XPNPEP1: variants seen among roughly 807,000 people sequenced by gnomAD.
XPNPEP1 encodes xaa-Pro aminopeptidase 1.
In XPNPEP1, 39 loss-of-function variants were observed where a neutral mutation model predicts 92.4. The observed-to-expected ratio is 0.42, with a 90% CI of 0.33 to 0.55. The LOEUF (loss-of-function observed/expected upper bound fraction) is 0.55, where lower values mean the gene tolerates loss of function less well. XPNPEP1 is among the 20% of genes least tolerant of loss of function. The pLI, the probability that XPNPEP1 is intolerant of heterozygous loss-of-function variation, is 0.08. For synonymous variants in XPNPEP1, 307 were observed against 299.4 expected (o/e 1.03, Z -0.26); for missense variants, 654 against 856.1 (o/e 0.76, Z 2.95).
At chr10:109,886,173 G>T in intron 8 of XPNPEP1, 73 bp downstream of exon 8, 1 of 1,487,538 alleles carries the variant, frequency 6.7e-7, no homozygotes, top group South Asian at 1.2e-5. Context: ...TGAATGGCAT[G>T]AACACACAGA....
chr10:109,884,051 C>T lies in XPNPEP1; in HGVS notation c.830+16G>A. The T allele has an allele frequency of 1.2e-6, 2 of 1,610,570 alleles. No individual in the cohort carries two copies. Among genetic ancestry groups the T allele is most frequent in the Non-Finnish European group, 1.7e-6 (2 of 1,178,254 alleles). Reference sequence around the variant, plus strand: ...GAGCTCTGGAAGGGAGTTCCAGATGCAGGGCAAACACTCACATGATCGTCT... The same window carrying T: ...GAGCTCTGGAAGGGAGTTCCAGATGTAGGGCAAACACTCACATGATCGTCT... On this transcript the variant is annotated intron_variant, in intron 9 of 20. Transcript: ENST00000502935.
chr10:109,887,316 G>C (rs560465875), intron 7 of XPNPEP1, among the ~76,000 whole-genome samples: 4 of 152,320 alleles, frequency 2.6e-5, no homozygotes, highest in Admixed American at 6.5e-5. Context: ...TGTCACACAA[G>C]AAAGCAGGCT....
intron 3 of XPNPEP1, among the ~76,000 whole-genome samples, chr10:109,897,798 C>T (rs566407508): frequency 6.6e-6 from 1 of 152,140 alleles, no homozygotes; most frequent in Admixed American, 6.5e-5. Flanking sequence ...GGATTACAGG[C>T]GCCCACCACC....
At chr10:109,879,000 T>A (rs1847932692) in intron 12 of XPNPEP1, among the ~76,000 whole-genome samples, 1 of 152,116 alleles carries the variant, frequency 6.6e-6, no homozygotes, top group African/African-American at 2.4e-5. Flanking sequence ...CCCAGCACTT[T>A]GGGAGGCCGA....
chr10:109,885,379 G>T lies in XPNPEP1; in HGVS notation c.748+867C>A, dbSNP rs561245701. The stretch of plus-strand genomic sequence containing the variant: ...TATCTCTAAGTAACAGAATTTATAC[G>T]TGATTTTTTTTTTCTTCTTTTTACT... On this transcript the variant is annotated intron_variant, in intron 8 of 20. Coordinates refer to ENST00000502935, the MANE Select transcript of XPNPEP1 (RefSeq NM_020383.4). Among the ~76,000 whole-genome samples the T allele has an allele frequency of 6.6e-5, 10 of 152,212 alleles. No individual in the cohort carries two copies. The South Asian group carries it at 2.1e-3, about 32-fold the overall frequency.
chr10:109,875,641 A>T, intron 14 of XPNPEP1, 42 bp from the exon 15 acceptor site: 1 of 1,572,020 alleles, frequency 6.4e-7, no homozygotes, highest in Non-Finnish European at 8.7e-7. Flanking sequence ...ACAAATGTAA[A>T]CACTTAGTGA....
chr10:109,899,233 C>A (rs796402890), intron 3 of XPNPEP1, among the ~76,000 whole-genome samples: 9 of 152,328 alleles, frequency 5.9e-5, no homozygotes, highest in African/African-American at 1.4e-4. Flanking sequence ...CCCAGCCAGG[C>A]CTTCATTCCC....
rs568548525 is a variant in XPNPEP1 at position 109,881,072 on chromosome 10, C to T, written c.1042-141G>A. On this transcript the variant is annotated intron_variant, in intron 10 of 20. Transcript: ENST00000502935. ...CACTGGCGACCCATATAGCTATCCC[C>T]TGGGGCCCCAACGACCTGTCCCTTT... is the stretch of plus-strand genomic sequence containing the variant. The T allele has an allele frequency of 1.4e-4, 99 of 725,250 alleles. 2 individuals carry two copies. The South Asian group carries it at 1.9e-3, about 14-fold the overall frequency. 44.9% of individuals were successfully genotyped at this position (725,250 alleles called of 1,614,324 possible). A position where few individuals can be genotyped will look rare whatever the true frequency, so the allele number is the denominator to read the frequency against.
At chr10:109,895,601 C>A (rs1848945283) in intron 3 of XPNPEP1, among the ~76,000 whole-genome samples, 1 of 152,252 alleles carries the variant, frequency 6.6e-6, no homozygotes, top group Non-Finnish European at 1.5e-5. Context: ...GCCAGACAAG[C>A]ACTGGGCCCA....
At chr10:109,865,376 G>C in intron 20 of XPNPEP1, 64 bp from the exon 21 acceptor site, 2 of 1,604,004 alleles carry the variant, frequency 1.2e-6, no homozygotes, top group Admixed American at 3.3e-5. Flanking sequence ...GGCTACACAG[G>C]TCAACAGCAA....
intron 11 of XPNPEP1, among the ~76,000 whole-genome samples, 176 bp downstream of exon 11, chr10:109,880,666 A>G (rs149536088): frequency 2.5e-3 from 375 of 152,306 alleles, no homozygotes; most frequent in Admixed American, 4.3e-3. Flanking sequence ...CTTTGTAAAG[A>G]TCTAATCCAT....
chr10:109,877,784 C>T lies in XPNPEP1; in HGVS notation c.1319+6G>A, dbSNP rs747687563. ...GCCAGGCAGCATGCTCCTCCGCATGCCTTACGCGTAGTGAATGATGGCGCC... is the reference window on the plus strand; with the variant it reads ...GCCAGGCAGCATGCTCCTCCGCATGTCTTACGCGTAGTGAATGATGGCGCC... On this transcript the variant is annotated splice_donor_region_variant and intron_variant, in intron 14 of 20. Coordinates refer to ENST00000502935, the MANE Select transcript of XPNPEP1 (RefSeq NM_020383.4). The T allele has an allele frequency of 6.2e-7, 1 of 1,614,230 alleles. No homozygotes were observed. Among genetic ancestry groups the T allele is most frequent in the Non-Finnish European group, 8.5e-7 (1 of 1,180,048 alleles).
intron 1 of XPNPEP1, among the ~76,000 whole-genome samples, chr10:109,916,984 T>C (rs1243366182): frequency 6.6e-6 from 1 of 152,138 alleles, no homozygotes; most frequent in Non-Finnish European, 1.5e-5. Context: ...CTGACAAAAG[T>C]TATTACAAAA....
intron 3 of XPNPEP1, among the ~76,000 whole-genome samples, chr10:109,902,574 T>C (rs1404045250): frequency 6.6e-6 from 1 of 152,170 alleles, no homozygotes; most frequent in African/African-American, 2.4e-5. Context: ...AAAACACAAT[T>C]TCTCCACGTA....
chr10:109,876,502 T>C (rs548908612), intron 14 of XPNPEP1: 1 of 152,268 alleles, frequency 6.6e-6, no homozygotes, highest in African/African-American at 2.4e-5. Context: ...TTTAATGTTT[T>C]AATTATACGG....
intron 16 of XPNPEP1, 92 bp from the exon 17 acceptor site, chr10:109,871,953 GT>G (rs926486329): frequency 1.2e-5 from 15 of 1,289,440 alleles, no homozygotes; most frequent in Non-Finnish European, 1.5e-5. Context: ...GCCTGCTAAA[GT>G]TTTTAGCAAT....
At chr10:109,913,620 T>C (rs976405552) in intron 2 of XPNPEP1, among the ~76,000 whole-genome samples, 2 of 152,206 alleles carry the variant, frequency 1.3e-5, no homozygotes, top group Non-Finnish European at 2.9e-5. Context: ...AGGAGTTAAG[T>C]ACTTGCCCAA....
intron 14 of XPNPEP1, 25 bp downstream of exon 14, chr10:109,877,765 C>G: frequency 1.2e-6 from 2 of 1,613,990 alleles, no homozygotes; most frequent in South Asian, 2.2e-5. Context: ...CAAGGCCAGG[C>G]AGCATGCTCC....
intron 10 of XPNPEP1, among the ~76,000 whole-genome samples, chr10:109,881,776 C>T (rs1360485884): frequency 6.6e-5 from 10 of 152,326 alleles, no homozygotes; most frequent in African/African-American, 2.4e-4. Flanking sequence ...ATTCCAGTCC[C>T]ATCCCAGACC....
Sources: allele counts gnomAD v4.1 joint callset (sites outside exome capture counted in the v4.1 genomes callset), GRCh38; gene constraint gnomAD v4.1.1; transcripts MANE v1.5; gene names NCBI Gene and HGNC (gene_info 2026-07-23, HGNC 2026-07-21).